The following ULK4 variants were observed in gnomAD, a reference collection of about 807,000 sequenced individuals.
ULK4 encodes the protein unc-51 like kinase 4.
A neutral mutation model predicts 160.6 loss-of-function variants in ULK4; 133 were observed. That is an observed-to-expected ratio of 0.83 (90% CI 0.72 to 0.96). ULK4 has a LOEUF of 0.96. Among genes scored for constraint, ULK4 ranks in the 40% least tolerant of loss-of-function variants. The probability of loss-of-function intolerance (pLI) is 0.00; values close to 1 mark genes in which losing one functional copy is unlikely to be tolerated. For missense variants in ULK4, 1,580 were observed against 1,499.5 expected (o/e 1.05, Z -0.89); for synonymous variants, 534 against 539.8 (o/e 0.99, Z 0.15).
chr3:41,589,419 A>G (rs918318031), intron 31 of ULK4, among the ~76,000 whole-genome samples: 1 of 139,068 alleles, frequency 7.2e-6, no homozygotes, highest in African/African-American at 2.7e-5. Context: ...AAAACACCAC[A>G]AAGGCCAGGC....
At chr3:41,425,340 T>C (rs2082754264) in intron 34 of ULK4, among the ~76,000 whole-genome samples, 1 of 152,158 alleles carries the variant, frequency 6.6e-6, no homozygotes, top group African/African-American at 2.4e-5. Context: ...CCTGAAAAGA[T>C]ACGGGGAGAA....
chr3:41,675,186 G>A (rs1392158832), intron 29 of ULK4, among the ~76,000 whole-genome samples: 1 of 151,840 alleles, frequency 6.6e-6, no homozygotes, highest in Non-Finnish European at 1.5e-5. Context: ...GTTGCAATGA[G>A]CCGAGATCAT....
chr3:41,639,227 T>TA (rs2034085439), intron 30 of ULK4, among the ~76,000 whole-genome samples: 1 of 152,150 alleles, frequency 6.6e-6, no homozygotes. Flanking sequence ...AATAACCACA[T>TA]AAACACAAAA....
intron 34 of ULK4, among the ~76,000 whole-genome samples, chr3:41,421,170 T>C (rs2125836664): frequency 1.3e-5 from 2 of 152,218 alleles, no homozygotes; most frequent in South Asian, 4.1e-4. Flanking sequence ...GTGTATTATA[T>C]AATACCTGCC....
intron 35 of ULK4, among the ~76,000 whole-genome samples, chr3:41,328,618 G>A (rs549609345): frequency 3.9e-5 from 6 of 152,272 alleles, no homozygotes; most frequent in South Asian, 4.1e-4. Flanking sequence ...TGCAGGCTTC[G>A]TAGAAGGCAA....
chr3:41,677,562 A>G (rs987996338), intron 29 of ULK4, among the ~76,000 whole-genome samples: 3 of 149,236 alleles, frequency 2.0e-5, no homozygotes, highest in African/African-American at 7.4e-5. Context: ...CAATCTCCTG[A>G]CCTTATGATC....
intron 35 of ULK4, among the ~76,000 whole-genome samples, chr3:41,284,643 T>C (rs1268288639): frequency 1.3e-5 from 2 of 152,150 alleles, no homozygotes; most frequent in Admixed American, 6.6e-5. Flanking sequence ...ATAAAAATTC[T>C]AGAAGATAAC....
intron 17 of ULK4, among the ~76,000 whole-genome samples, chr3:41,850,257 T>G (rs2042177067): frequency 6.6e-6 from 1 of 152,238 alleles, no homozygotes; most frequent in African/African-American, 2.4e-5. Context: ...TTGTGAATAG[T>G]GCTGCAATAA....
chr3:41,891,514 A>T (rs1697965731), intron 16 of ULK4, among the ~76,000 whole-genome samples: 1 of 151,436 alleles, frequency 6.6e-6, no homozygotes, highest in South Asian at 2.1e-4. Context: ...AGGTTTACCC[A>T]CAAGTCCTAC....
chr3:41,957,767 C>G (rs1700534946), intron 1 of ULK4, among the ~76,000 whole-genome samples: 1 of 151,916 alleles, frequency 6.6e-6, no homozygotes, highest in Non-Finnish European at 1.5e-5. Flanking sequence ...AACTCAGTAG[C>G]TCATGCCTGT....
chr3:41,665,659 G>A (rs1474108788), intron 29 of ULK4, among the ~76,000 whole-genome samples: 1 of 152,056 alleles, frequency 6.6e-6, no homozygotes, highest in East Asian at 1.9e-4. Flanking sequence ...TAGGAAATGA[G>A]TTAATATATT....
intron 16 of ULK4, among the ~76,000 whole-genome samples, chr3:41,887,855 A>G (rs1489385765): frequency 6.6e-6 from 1 of 151,994 alleles, no homozygotes; most frequent in Non-Finnish European, 1.5e-5. Flanking sequence ...TATACCTTAT[A>G]CATCATATTA....
At chr3:41,627,333 C>T (rs2033562122) in intron 30 of ULK4, among the ~76,000 whole-genome samples, 1 of 152,144 alleles carries the variant, frequency 6.6e-6, no homozygotes, top group African/African-American at 2.4e-5. Context: ...CCATGGAGAT[C>T]ACTGGGTTGG....
intron 2 of ULK4, among the ~76,000 whole-genome samples, chr3:41,945,761 G>A (rs996452213): frequency 3.3e-5 from 5 of 152,124 alleles, no homozygotes; most frequent in Non-Finnish European, 5.9e-5. Flanking sequence ...GTCTTCCAGT[G>A]GGCACCCAAA....
At chr3:41,403,138 G>A (rs2082218199) in intron 34 of ULK4, among the ~76,000 whole-genome samples, 1 of 145,884 alleles carries the variant, frequency 6.9e-6, no homozygotes, top group Non-Finnish European at 1.5e-5. Context: ...CAACAAGAGT[G>A]AAAACTCCGT....
chr3:41,282,985 T>G (rs1020369485), intron 35 of ULK4, among the ~76,000 whole-genome samples: 2 of 151,930 alleles, frequency 1.3e-5, no homozygotes, highest in African/African-American at 4.8e-5. Context: ...AGTTGGCAAA[T>G]GATATGAACA....
intron 32 of ULK4, among the ~76,000 whole-genome samples, chr3:41,510,647 T>A (rs2085538540): frequency 6.6e-6 from 1 of 152,000 alleles, no homozygotes; most frequent in African/African-American, 2.4e-5. Context: ...CAGAACACAG[T>A]GGAATAAAAT....
intron 17 of ULK4, among the ~76,000 whole-genome samples, chr3:41,838,796 G>T (rs2041831032): frequency 6.6e-6 from 1 of 152,106 alleles, no homozygotes; most frequent in Non-Finnish European, 1.5e-5. Context: ...TTACAGTTGT[G>T]AACTTCAACA....
chr3:41,247,048 C>A, intron 36 of ULK4, 56 bp from the exon 37 acceptor site: 1 of 1,553,816 alleles, frequency 6.4e-7, no homozygotes, highest in Non-Finnish European at 8.8e-7. Context: ...GTAAAGTGCT[C>A]CCCCCTTTCA....
Sources: allele counts gnomAD v4.1 joint callset (sites outside exome capture counted in the v4.1 genomes callset), GRCh38; gene constraint gnomAD v4.1.1; transcripts MANE v1.5; gene names NCBI Gene and HGNC (gene_info 2026-07-23, HGNC 2026-07-21).